Variants in APOOL observed in about 807,000 individuals in gnomAD.
The protein encoded by APOOL is apolipoprotein O like.
Under a neutral mutation model 23.1 loss-of-function variants are expected in APOOL, and 12 were observed. The ratio of observed to expected loss-of-function variants is 0.52; its 90% CI spans 0.33 to 0.84. The LOEUF is 0.84. APOOL is among the 40% of genes least tolerant of loss of function. APOOL has a pLI of 0.02. For synonymous variants in APOOL, 77 were observed against 69.9 expected, an observed-to-expected ratio of 1.10 and a Z score of -0.51; for missense variants, 212 against 199.6, an observed-to-expected ratio of 1.06 and a Z score of -0.37.
chrX:85,072,148 G>C (rs950736248), intron 6 of APOOL, among the ~76,000 whole-genome samples: 4 of 111,749 alleles, frequency 3.6e-5, no homozygotes, highest in Non-Finnish European at 5.6e-5. Flanking sequence ...ATAAATCAAT[G>C]AGCAAAAGAT....
intron 1 of APOOL, among the ~76,000 whole-genome samples, chrX:85,040,272 A>C (rs1369752532): frequency 8.9e-6 from 1 of 112,096 alleles, no homozygotes; most frequent in Non-Finnish European, 1.9e-5. Flanking sequence ...GGCCACTCTT[A>C]GCCTGATGGA....
At chrX:85,023,636 A>G (rs1279733905) in intron 1 of APOOL, among the ~76,000 whole-genome samples, 2 of 112,225 alleles carry the variant, frequency 1.8e-5, no homozygotes, top group Admixed American at 9.5e-5. Flanking sequence ...GAGGCATCAC[A>G]TTGCATGATT....
At chrX:85,056,456 A>G (rs1214662411) in intron 5 of APOOL, among the ~76,000 whole-genome samples, 1 of 112,056 alleles carries the variant, frequency 8.9e-6, no homozygotes, top group East Asian at 2.8e-4. Context: ...GTTTAAAAAA[A>G]TTTTTGGCCG....
At chrX:85,079,940 C>A (rs912759660) in intron 8 of APOOL, among the ~76,000 whole-genome samples, 11 of 111,255 alleles carry the variant, frequency 9.9e-5, no homozygotes, top group African/African-American at 3.6e-4. Context: ...GGTGATATCC[C>A]CTTTATCATT....
At chrX:85,066,812 A>T (rs1390446988) in intron 5 of APOOL, among the ~76,000 whole-genome samples, 1 of 110,362 alleles carries the variant, frequency 9.1e-6, no homozygotes, top group Admixed American at 9.8e-5. Flanking sequence ...AATTGTGGTT[A>T]TAAATTTGGG....
At position 85,067,235 on chromosome X, in the gene APOOL, T is replaced by C. The variant is rs369499101; in HGVS notation, c.486+17T>C. ...ATTGCTAAGGTAAGTTCTTTTTAAA[T>C]AATAGCAACATTTCAGTATTTGTTT... is the stretch of plus-strand genomic sequence containing the variant. On this transcript the variant is annotated intron_variant, in intron 6 of 8. Coordinates refer to ENST00000373173, the MANE Select transcript of APOOL (RefSeq NM_198450.6). 1.7e-5 allele frequency: 17 copies of C among 1,016,108 alleles called. No individual in the cohort carries two copies. Among genetic ancestry groups the C allele is most frequent in the Non-Finnish European group, 2.1e-5 (16 of 746,041 alleles). 83.7% of individuals were successfully genotyped at this position (1,016,108 alleles called of 1,213,427 possible).
intron 1 of APOOL, among the ~76,000 whole-genome samples, chrX:85,043,531 A>G (rs1454378237): frequency 9.0e-6 from 1 of 110,993 alleles, no homozygotes; most frequent in African/African-American, 3.3e-5. Context: ...TTTTAAAAAC[A>G]TTTTAAACTT....
chrX:85,006,206 TAAGAA>T (rs971019242), intron 1 of APOOL, among the ~76,000 whole-genome samples: 1 of 111,624 alleles, frequency 9.0e-6, no homozygotes, highest in African/African-American at 3.3e-5. Context: ...TGTATGGGGT[TAAGAA>T]AAGAATAAGG....
Position 85,090,989 on chromosome X carries a change from C to A in APOOL, c.*3311C>A, listed in dbSNP as rs1321537402. 8.9e-6 allele frequency: 1 copy of A among 112,157 alleles called. No individual in the cohort carries two copies. Among genetic ancestry groups the A allele is most frequent in the Non-Finnish European group, 1.9e-5 (1 of 53,301 alleles). 9.2% of individuals were successfully genotyped at this position (112,157 alleles called of 1,213,427 possible). On this transcript the variant is annotated 3_prime_UTR_variant, in exon 9 of 9. Transcript: ENST00000373173. ...GTATGGTGGCTCACACCTATAATCC[C>A]AGCACTTTGGGAGGCCAAGGTGGGT...
At chrX:85,007,652 G>A (rs759221100) in intron 1 of APOOL, among the ~76,000 whole-genome samples, 2 of 111,163 alleles carry the variant, frequency 1.8e-5, no homozygotes, top group Admixed American at 1.9e-4. Context: ...TCTGGAATCG[G>A]GGAATTCCTG....
Position 85,051,517 on chromosome X carries a change from A to G in APOOL, c.240+9A>G, listed in dbSNP as rs760158176. On this transcript the variant is annotated intron_variant, in intron 3 of 8. Transcript: ENST00000373173. ...ACATTGGCTGGTGCAAGGTAAGTCA[A>G]TTCTGATAGTGGTTTAATATCAGAG... The G allele has an allele frequency of 7.4e-6, 9 of 1,209,438 alleles. No homozygotes were observed. The South Asian group carries it at 1.4e-4, about 19-fold the overall frequency.
chrX:85,009,621 T>C (rs1027676314), intron 1 of APOOL, among the ~76,000 whole-genome samples: 5 of 111,694 alleles, frequency 4.5e-5, no homozygotes, highest in Non-Finnish European at 9.4e-5. Flanking sequence ...CCTTTTACTT[T>C]TATTTATTTA....
chrX:85,072,368 T>C (rs1923699406), intron 6 of APOOL, among the ~76,000 whole-genome samples: 1 of 111,125 alleles, frequency 9.0e-6, no homozygotes, highest in African/African-American at 3.3e-5. Context: ...AGACATATAC[T>C]CTTGGTGGTA....
chrX:85,061,072 T>G (rs1923198990), intron 5 of APOOL, among the ~76,000 whole-genome samples: 1 of 111,427 alleles, frequency 9.0e-6, no homozygotes, highest in South Asian at 3.8e-4. Context: ...CCTAATTTAT[T>G]GAGAGTTTTT....
At chrX:85,062,949 TG>T (rs1438609084) in intron 5 of APOOL, among the ~76,000 whole-genome samples, 1 of 111,761 alleles carries the variant, frequency 8.9e-6, no homozygotes, top group Admixed American at 9.6e-5. Flanking sequence ...TAAATTCCAT[TG>T]GGCAACATGG....
intron 6 of APOOL, among the ~76,000 whole-genome samples, chrX:85,069,278 A>G (rs1385175974): frequency 9.0e-6 from 1 of 111,164 alleles, no homozygotes; most frequent in Non-Finnish European, 1.9e-5. Flanking sequence ...TGTACAAGAA[A>G]AACCTTCTTA....
In APOOL at chrX:85,014,165, C is replaced by T. The variant is rs148082283; in HGVS notation, c.15+10238C>T. ...ACTCCTGCTCACTTTTGGTGTCCATCTGCATGGACTATCTTTTTCTACCCC... is the reference window on the plus strand; with the variant it reads ...ACTCCTGCTCACTTTTGGTGTCCATTTGCATGGACTATCTTTTTCTACCCC... On this transcript the variant is annotated intron_variant, in intron 1 of 8. Coordinates refer to ENST00000373173, the MANE Select transcript of APOOL (RefSeq NM_198450.6). 4.4e-4 allele frequency among the ~76,000 whole-genome samples: 49 copies of T among 111,518 alleles called. No homozygotes were observed. The East Asian group carries it at 0.014, about 31-fold the overall frequency.
In APOOL at chrX:85,088,307, T is replaced by C. The variant is rs1924430112; in HGVS notation, c.*629T>C. The C allele has an allele frequency of 1.2e-5, 1 of 81,830 alleles. No individual in the cohort carries two copies. The highest frequency in any genetic ancestry group is 8.0e-4 in the South Asian group (1 of 1,252). 6.7% of individuals were successfully genotyped at this position (81,830 alleles called of 1,213,427 possible). ...TTAGAATGGTGTATGGAAAGGTGTG[T>C]TTCCCTCTGTTTTTTTTTTTTTTTT... On this transcript the variant is annotated 3_prime_UTR_variant, in exon 9 of 9. Transcript: ENST00000373173.
intron 8 of APOOL, among the ~76,000 whole-genome samples, chrX:85,082,597 C>T (rs1385792961): frequency 9.0e-6 from 1 of 111,046 alleles, no homozygotes; most frequent in East Asian, 2.8e-4. Flanking sequence ...TATTTCATAG[C>T]AAGTGAAAAT....
Sources: gnomAD v4.1 joint callset for allele counts (sites outside exome capture counted in the v4.1 genomes callset) on GRCh38, gnomAD v4.1.1 for gene constraint, MANE v1.5 for transcripts, NCBI Gene and HGNC (gene_info 2026-07-23, HGNC 2026-07-21) for gene names.